Variants in CFAP418 observed in about 807,000 individuals in gnomAD.
CFAP418 encodes cilia and flagella associated protein 418.
A neutral mutation model predicts 24.7 loss-of-function variants in CFAP418; 27 were observed. That is an observed-to-expected ratio of 1.09 (90% CI 0.81 to 1.51). CFAP418 has a LOEUF of 1.51. Among genes scored for constraint, CFAP418 ranks in the 40% most tolerant of loss-of-function variants. CFAP418 has a pLI of 0.00. For missense variants in CFAP418, 257 were observed against 255.2 expected (o/e 1.01, Z -0.05); for synonymous variants, 74 against 87.3 (o/e 0.85, Z 0.85).
rs1372036117 is a variant in CFAP418, at chr8:95,247,742, T to C, written c.499A>G (p.Lys167Glu). The C allele has an allele frequency of 1.2e-6, 2 of 1,612,426 alleles. No homozygotes were observed. Among genetic ancestry groups the C allele is most frequent in the Non-Finnish European group, 1.7e-6 (2 of 1,178,998 alleles). Residue 167 changes from lysine to glutamate, a missense_variant, in exon 6 of 6, where the codon AAA becomes GAA. Coordinates refer to ENST00000286688, the MANE Select transcript of CFAP418 (RefSeq NM_177965.4). ...CCTTTCTTCTTTATCAACTTTGCTTTTAATTTGTGAAATTCTGGCATGTTG... is the reference window on the plus strand; with the variant it reads ...CCTTTCTTCTTTATCAACTTTGCTTCTAATTTGTGAAATTCTGGCATGTTG... ...RNNMPEFHKL[K>E]AKLIKKKGTR... is the part of the protein sequence containing the mutation.
At position 95,251,893 on chromosome 8, in the gene CFAP418, C is replaced by T. The variant is rs557158604; in HGVS notation, c.470+295G>A. On this transcript the variant is annotated intron_variant, in intron 5 of 5. Coordinates refer to ENST00000286688, the MANE Select transcript of CFAP418 (RefSeq NM_177965.4). Reference sequence around the variant, plus strand: ...GGCTACAAACCTCTACAGCATGTTACTGTTTATACCAGCATCACCACAAAC... The same window carrying T: ...GGCTACAAACCTCTACAGCATGTTATTGTTTATACCAGCATCACCACAAAC... 1.3e-5 allele frequency among the ~76,000 whole-genome samples: 2 copies of T among 152,300 alleles called. 1 individual carries two copies. Among genetic ancestry groups the T allele is most frequent in the African/African-American group, 4.8e-5 (2 of 41,556 alleles).
intron 4 of CFAP418, among the ~76,000 whole-genome samples, chr8:95,256,988 G>A (rs762240711): frequency 6.6e-6 from 1 of 152,202 alleles, no homozygotes; most frequent in Non-Finnish European, 1.5e-5. Context: ...TGAGTTTAGA[G>A]TTAATGTGAG....
rs1167395054 is a variant in CFAP418 at position 95,247,445 on chromosome 8, C to T, written c.*172G>A. ...GGAATAATTCCAAAGTGTTATAATA[C>T]ATGATCTTCCTTAGTCCATTTGGTC... is the stretch of plus-strand genomic sequence containing the variant. On this transcript the variant is annotated 3_prime_UTR_variant, in exon 6 of 6. Transcript: ENST00000286688. The T allele has an allele frequency of 1.5e-6, 1 of 653,844 alleles. No individual in the cohort carries two copies. The highest frequency in any genetic ancestry group is 1.8e-5 in the African/African-American group (1 of 54,628). 40.5% of individuals were successfully genotyped at this position (653,844 alleles called of 1,614,324 possible). A position where few individuals can be genotyped will look rare whatever the true frequency, so the allele number is the denominator to read the frequency against.
rs1701785770 is a variant in CFAP418 at position 95,245,682 on chromosome 8, T to C, written c.*1935A>G. 2 of 152,160 alleles carry C rather than the reference T, an allele frequency of 1.3e-5. No homozygotes were observed. The highest frequency in any genetic ancestry group is 6.5e-5 in the Admixed American group (1 of 15,282). The allele number at this position is 152,160 out of a possible 1,614,324, so 9.4% of individuals were successfully genotyped here. ...TGAAGCTGCGAGGCGGAGGTTGCAG[T>C]GAGCAGAGATCGTGCCACTGCACTC... is the stretch of plus-strand genomic sequence containing the variant. On this transcript the variant is annotated 3_prime_UTR_variant, in exon 6 of 6. Transcript: ENST00000286688.
intron 1 of CFAP418, among the ~76,000 whole-genome samples, chr8:95,265,735 T>C (rs1351878050): frequency 2.0e-5 from 3 of 152,204 alleles, no homozygotes; most frequent in Non-Finnish European, 4.4e-5. Flanking sequence ...AAGATTCTGG[T>C]CTGTTCTTAG....
Position 95,269,147 on chromosome 8 carries a change from T to C in CFAP418, c.43A>G (p.Lys15Glu), listed in dbSNP as rs1023654494. ...LDELLDEVES[K>E]FCTPDLLRRG... ...CTTAGAAGGTCAGGTGTGCAAAACT[T>C]GGACTCGACTTCATCCAAGAGCTCG... The change falls in exon 1 of 6, where the codon AAG becomes GAG. Residue 15 changes from lysine to glutamate, a missense_variant. Physicochemically the swap from Lys to Glu is moderately conservative, Grantham distance 56 (BLOSUM62 1). Coordinates refer to ENST00000286688, the MANE Select transcript of CFAP418 (RefSeq NM_177965.4). 8 of 1,614,230 alleles carry C rather than the reference T, an allele frequency of 5.0e-6. No individual in the cohort carries two copies. Among genetic ancestry groups the C allele is most frequent in the East Asian group, 4.5e-5 (2 of 44,880 alleles).
Position 95,247,368 on chromosome 8 carries a change from A to G in CFAP418, c.*249T>C, listed in dbSNP as rs949281785. On this transcript the variant is annotated 3_prime_UTR_variant, in exon 6 of 6. Transcript: ENST00000286688. The stretch of plus-strand genomic sequence containing the variant: ...ATCAAACCTCTATTAAACAGAAGAC[A>G]GATTAGTAAAGAATGTAGATGCCTG... The G allele has an allele frequency of 2.1e-6, 1 of 477,034 alleles. No homozygotes were observed. Among genetic ancestry groups the G allele is most frequent in the African/African-American group, 2.0e-5 (1 of 49,946 alleles). 29.6% of individuals were successfully genotyped at this position (477,034 alleles called of 1,614,324 possible).
At chr8:95,256,900 A>T (rs1811800170) in intron 4 of CFAP418, among the ~76,000 whole-genome samples, 1 of 152,194 alleles carries the variant, frequency 6.6e-6, no homozygotes, top group South Asian at 2.1e-4. Flanking sequence ...GGAATATCTG[A>T]CCCAGGCTTT....
At chr8:95,254,665 A>G (rs1019729833) in intron 4 of CFAP418, among the ~76,000 whole-genome samples, 4 of 152,222 alleles carry the variant, frequency 2.6e-5, no homozygotes, top group African/African-American at 9.7e-5. Flanking sequence ...TTCTGCCCAG[A>G]CACTGTGGTT....
chr8:95,256,731 TA>T (rs913755780), intron 4 of CFAP418, among the ~76,000 whole-genome samples: 1 of 152,140 alleles, frequency 6.6e-6, no homozygotes, highest in African/African-American at 2.4e-5. Context: ...AAAATTTAAA[TA>T]GAAAAATCAA....
chr8:95,268,856 C>G, intron 1 of CFAP418, 179 bp downstream of exon 1: 2 of 661,716 alleles, frequency 3.0e-6, no homozygotes, highest in East Asian at 5.3e-5. Context: ...TGCCAGAATC[C>G]GCGAAGAGGG....
At position 95,257,409 on chromosome 8, in the gene CFAP418, G is replaced by A. The variant is rs188367596; in HGVS notation, c.374+2431C>T. Among the ~76,000 whole-genome samples, 4 of 152,242 alleles carry A rather than the reference G, an allele frequency of 2.6e-5. No individual in the cohort carries two copies. The East Asian group carries it at 7.7e-4, about 29-fold the overall frequency. On this transcript the variant is annotated intron_variant, in intron 4 of 5. Coordinates refer to ENST00000286688, the MANE Select transcript of CFAP418 (RefSeq NM_177965.4). The stretch of plus-strand genomic sequence containing the variant: ...TGGCTGCCTGGTGTTCCCATATAAG[G>A]CTTCTCCAGACTCCTAATTTCACTT...
At chr8:95,258,402 A>G (rs1271547512) in intron 4 of CFAP418, among the ~76,000 whole-genome samples, 1 of 149,790 alleles carries the variant, frequency 6.7e-6, no homozygotes, top group Non-Finnish European at 1.5e-5. Flanking sequence ...AAAAAAAAAA[A>G]GTAAAAAACA....
At chr8:95,265,827 A>C (rs768752093) in intron 1 of CFAP418, among the ~76,000 whole-genome samples, 4 of 152,254 alleles carry the variant, frequency 2.6e-5, no homozygotes, top group Non-Finnish European at 5.9e-5. Flanking sequence ...TTGAGAACTC[A>C]TAATTTTAAA....
chr8:95,255,087 G>C (rs1811766350), intron 4 of CFAP418, among the ~76,000 whole-genome samples: 1 of 152,122 alleles, frequency 6.6e-6, no homozygotes, highest in Non-Finnish European at 1.5e-5. Context: ...TAGTCTTCCT[G>C]TGTCCTTTCC....
intron 4 of CFAP418, among the ~76,000 whole-genome samples, chr8:95,258,996 C>A (rs1811843206): frequency 6.6e-6 from 1 of 152,148 alleles, no homozygotes. Flanking sequence ...TGACTAATGA[C>A]ATATTTCTCA....
intron 1 of CFAP418, among the ~76,000 whole-genome samples, 179 bp from the exon 2 acceptor site, chr8:95,263,953 C>G (rs1008501508): frequency 6.6e-6 from 1 of 152,026 alleles, no homozygotes; most frequent in Non-Finnish European, 1.5e-5. Flanking sequence ...TATACTTTAT[C>G]AGGTACAAAT....
intron 1 of CFAP418, 45 bp downstream of exon 1, chr8:95,268,990 G>C: frequency 6.3e-7 from 1 of 1,593,882 alleles, no homozygotes; most frequent in Non-Finnish European, 8.6e-7. Context: ...CTAGGGCCTG[G>C]AGCAGGGCTT....
Position 95,259,966 on chromosome 8 carries a change from T to C in CFAP418, c.309-61A>G, listed in dbSNP as rs1811859687. Reference sequence around the variant, plus strand: ...ATAACAAAAAATAGGAGAAGTTAATTTGGCCATGTTAAAAAAATTTTTGGT... The same window carrying C: ...ATAACAAAAAATAGGAGAAGTTAATCTGGCCATGTTAAAAAAATTTTTGGT... On this transcript the variant is annotated intron_variant, in intron 3 of 5. Transcript: ENST00000286688. 2.1e-6 allele frequency: 3 copies of C among 1,447,778 alleles called. No homozygotes were observed. In the South Asian group the frequency reaches 3.8e-5, roughly 18 times the overall value. The allele number at this position is 1,447,778 out of a possible 1,614,324, so 89.7% of individuals were successfully genotyped here. A position where few individuals can be genotyped will look rare whatever the true frequency, so the allele number is the denominator to read the frequency against.
Sources: allele counts gnomAD v4.1 joint callset (sites outside exome capture counted in the v4.1 genomes callset), GRCh38; gene constraint gnomAD v4.1.1; transcripts MANE v1.5; gene names NCBI Gene and HGNC (gene_info 2026-07-23, HGNC 2026-07-21).